PDCD10: variants seen among roughly 807,000 people sequenced by gnomAD.
PDCD10 encodes programmed cell death 10.
Under a neutral mutation model 29.2 loss-of-function variants are expected in PDCD10, and 4 were observed. The ratio of observed to expected loss-of-function variants is 0.14; its 90% CI spans 0.07 to 0.31. PDCD10 has a LOEUF of 0.31. Ranked by LOEUF, PDCD10 falls within the 10% of genes least tolerant of loss-of-function variation. The pLI is 1.00. For missense variants in PDCD10, 183 were observed against 257.9 expected (o/e 0.71, Z 1.99); for synonymous variants, 70 against 82.2 (o/e 0.85, Z 0.80).
intron 5 of PDCD10, 51 bp downstream of exon 5, chr3:167,696,958 A>C (rs191945776): frequency 6.7e-6 from 6 of 896,394 alleles, no homozygotes; most frequent in Admixed American, 5.1e-5. Context: ...GATTTAGAGG[A>C]AGTGCTATTT....
intron 4 of PDCD10, chr3:167,697,717 A>G (rs1720957101): frequency 4.5e-6 from 1 of 221,532 alleles, no homozygotes; most frequent in Non-Finnish European, 9.1e-6. Context: ...ACTGGTTTCT[A>G]GAACATCATG....
intron 4 of PDCD10, among the ~76,000 whole-genome samples, chr3:167,700,220 G>A (rs1013945337): frequency 6.6e-6 from 1 of 152,046 alleles, no homozygotes; most frequent in Non-Finnish European, 1.5e-5. Context: ...TGATTAAAAC[G>A]CCATGTGACT....
At chr3:167,695,981 TAA>T (rs11332538) in intron 5 of PDCD10, among the ~76,000 whole-genome samples, 11 of 138,366 alleles carry the variant, frequency 7.9e-5, no homozygotes, top group African/African-American at 1.8e-4. Flanking sequence ...CATGAAATCT[TAA>T]AAAAAAAAAA....
rs530697373 is a variant in PDCD10 at position 167,726,491 on chromosome 3, TCA to T, written c.-116-6220_-116-6219del. Among the ~76,000 whole-genome samples, 553 of 152,260 alleles carry T rather than the reference TCA, an allele frequency of 3.6e-3. 3 individuals are homozygous for T. The highest frequency in any genetic ancestry group is 5.3e-3 in the Non-Finnish European group (358 of 68,012). Reference sequence around the variant, plus strand: ...GACAGTATACAGCAGGAGATAGTGCTCAGTTTGGAAGGAAAAAAACCTCAGTT... The same window carrying T: ...GACAGTATACAGCAGGAGATAGTGCTGTTTGGAAGGAAAAAAACCTCAGTT... On this transcript the variant is annotated intron_variant, in intron 2 of 8. Transcript: ENST00000392750.
intron 3 of PDCD10, among the ~76,000 whole-genome samples, chr3:167,705,597 C>T (rs918003636): frequency 1.3e-5 from 2 of 152,110 alleles, no homozygotes; most frequent in African/African-American, 4.8e-5. Context: ...CAACTCCCTA[C>T]AAATGACTAA....
At chr3:167,695,204 C>T (rs1720676777) in intron 6 of PDCD10, among the ~76,000 whole-genome samples, 1 of 152,192 alleles carries the variant, frequency 6.6e-6, no homozygotes, top group Non-Finnish European at 1.5e-5. Context: ...TCTTAGAAAA[C>T]ACTACTCATG....
chr3:167,684,411 A>G, intron 8 of PDCD10, 22 bp from the exon 9 acceptor site: 1 of 1,442,094 alleles, frequency 6.9e-7, no homozygotes, highest in Non-Finnish European at 9.8e-7. Context: ...GAAAAGAATA[A>G]GCATTAATTT....
chr3:167,730,955 AG>A (rs1724740617), intron 2 of PDCD10: 1 of 152,186 alleles, frequency 6.6e-6, no homozygotes, highest in African/African-American at 2.4e-5. Context: ...TATAATTCAT[AG>A]GAAGATAGCA....
intron 2 of PDCD10, among the ~76,000 whole-genome samples, chr3:167,731,332 T>A (rs1228664742): frequency 6.6e-6 from 1 of 152,202 alleles, no homozygotes; most frequent in Non-Finnish European, 1.5e-5. Flanking sequence ...TACACAGCAA[T>A]TCTGCGGCAA....
intron 8 of PDCD10, among the ~76,000 whole-genome samples, chr3:167,685,580 T>TA (rs1466008194): frequency 6.6e-6 from 1 of 152,054 alleles, no homozygotes; most frequent in East Asian, 1.9e-4. Flanking sequence ...TTTAAAAAGC[T>TA]GCTGAATGGA....
chr3:167,684,142 T>C lies in PDCD10; in HGVS notation c.*166A>G, dbSNP rs1399005758. On this transcript the variant is annotated 3_prime_UTR_variant, in exon 9 of 9. Transcript: ENST00000392750. ...CTTCAGTGTGAGATTATGATTAAGC[T>C]ACATTTTACAAAAATATGGTGTAAG... 7.0e-6 allele frequency: 4 copies of C among 572,032 alleles called. No homozygotes were observed. Among genetic ancestry groups the C allele is most frequent in the Middle Eastern group, 4.7e-4 (1 of 2,108 alleles). 35.4% of individuals were successfully genotyped at this position (572,032 alleles called of 1,614,324 possible).
intron 6 of PDCD10, among the ~76,000 whole-genome samples, chr3:167,689,843 G>GA (rs1196004595): frequency 6.6e-6 from 1 of 152,030 alleles, no homozygotes; most frequent in Non-Finnish European, 1.5e-5. Flanking sequence ...CCAAATTGTA[G>GA]AAAAAATGTT....
At chr3:167,729,507 A>G (rs1415302454) in intron 2 of PDCD10, among the ~76,000 whole-genome samples, 1 of 152,004 alleles carries the variant, frequency 6.6e-6, no homozygotes, top group East Asian at 1.9e-4. Context: ...ATTCCAAGCA[A>G]TTTTTCCTGC....
At position 167,724,775 on chromosome 3, in the gene PDCD10, T is replaced by C. The variant is rs570096339; in HGVS notation, c.-116-4502A>G. Reference sequence around the variant, plus strand: ...ATTCAGTGATAATAAGACTTCATTATTGTTATCAGCTATACTTTCCAAAGT... The same window carrying C: ...ATTCAGTGATAATAAGACTTCATTACTGTTATCAGCTATACTTTCCAAAGT... On this transcript the variant is annotated intron_variant, in intron 2 of 8. Transcript: ENST00000392750. 4.5e-4 allele frequency among the ~76,000 whole-genome samples: 69 copies of C among 152,330 alleles called. 1 individual carries two copies. The South Asian group carries it at 0.012, about 26-fold the overall frequency.
At chr3:167,719,192 G>A (rs1195722065) in intron 3 of PDCD10, among the ~76,000 whole-genome samples, 2 of 152,100 alleles carry the variant, frequency 1.3e-5, no homozygotes, top group Admixed American at 6.6e-5. Context: ...AATGGTGAGA[G>A]CATATGGACT....
intron 3 of PDCD10, among the ~76,000 whole-genome samples, chr3:167,707,986 A>G (rs757519501): frequency 6.6e-6 from 1 of 152,174 alleles, no homozygotes. Flanking sequence ...TTTGGAGACA[A>G]TGGATAGGCT....
chr3:167,724,839 A>T (rs1006895054), intron 2 of PDCD10, among the ~76,000 whole-genome samples: 2 of 152,222 alleles, frequency 1.3e-5, no homozygotes, highest in Non-Finnish European at 2.9e-5. Flanking sequence ...TTTTTCTTTA[A>T]GCATCAAATC....
intron 4 of PDCD10, among the ~76,000 whole-genome samples, chr3:167,702,230 T>TTC (rs1030483512): frequency 1.3e-5 from 2 of 152,178 alleles, no homozygotes; most frequent in African/African-American, 4.8e-5. Context: ...CCTTCTCTAC[T>TTC]TCTGACATCC....
chr3:167,718,637 A>T (rs1049620000), intron 3 of PDCD10, among the ~76,000 whole-genome samples: 3 of 151,922 alleles, frequency 2.0e-5, no homozygotes, highest in African/African-American at 7.3e-5. Context: ...CCTTTCAAAA[A>T]GGCTACTTTA....
Sources: gnomAD v4.1 joint callset for allele counts (sites outside exome capture counted in the v4.1 genomes callset) on GRCh38, gnomAD v4.1.1 for gene constraint, MANE v1.5 for transcripts, NCBI Gene and HGNC (gene_info 2026-07-23, HGNC 2026-07-21) for gene names.